The following CFAP96 variants were observed in gnomAD, a reference collection of about 807,000 sequenced individuals.
CFAP96 encodes the protein cilia and flagella associated protein 96, also known as cilia-and flagella-associated protein 96.
chr4:185,425,266 G>A, the CFAP96 span, among the ~76,000 whole-genome samples: 3 of 152,092 alleles, frequency 2.0e-5, no homozygotes, highest in Non-Finnish European at 4.4e-5. Context: ...AGCAGGTGTG[G>A]GCTGTGGGGA....
chr4:185,423,400 G>A, the CFAP96 span, among the ~76,000 whole-genome samples: 6 of 152,140 alleles, frequency 3.9e-5, no homozygotes, highest in South Asian at 6.2e-4. Flanking sequence ...ATCAACTGGT[G>A]GAATCCTTCA....
chr4:185,411,085 G>C, the CFAP96 span, among the ~76,000 whole-genome samples: 1 of 146,910 alleles, frequency 6.8e-6, no homozygotes, highest in Non-Finnish European at 1.5e-5. Context: ...ATCAAATACA[G>C]AAGTTATAAT....
chr4:185,433,675 G>A, the CFAP96 span, among the ~76,000 whole-genome samples: 4 of 151,776 alleles, frequency 2.6e-5, no homozygotes, highest in African/African-American at 9.7e-5. Context: ...GCCGAGGCGG[G>A]CGGATCACCT....
chr4:185,434,588 C>A, the CFAP96 span, among the ~76,000 whole-genome samples: 1 of 152,022 alleles, frequency 6.6e-6, no homozygotes, highest in African/African-American at 2.4e-5. Context: ...ACTAGCTTTC[C>A]TTTTTTAAAA....
chr4:185,436,731 A>AAT, the CFAP96 span, among the ~76,000 whole-genome samples: 1 of 149,074 alleles, frequency 6.7e-6, no homozygotes, highest in Non-Finnish European at 1.5e-5. Flanking sequence ...TAATAATAAT[A>AAT]ATAATAATAA....
At chr4:185,429,357 C>T in the CFAP96 span, 1 of 1,062,860 alleles carries the variant, frequency 9.4e-7, no homozygotes, top group South Asian at 1.8e-5. Context: ...AACACGTGAC[C>T]CTAGGGAAAC....
At chr4:185,414,409 T>C in the CFAP96 span, among the ~76,000 whole-genome samples, 1 of 152,196 alleles carries the variant, frequency 6.6e-6, no homozygotes, top group African/African-American at 2.4e-5. Flanking sequence ...CCCAACTATA[T>C]AAAAACATGT....
chr4:185,434,834 G>T, the CFAP96 span, among the ~76,000 whole-genome samples: 1 of 152,144 alleles, frequency 6.6e-6, no homozygotes, highest in Non-Finnish European at 1.5e-5. Context: ...CGCCTCCCAG[G>T]TTCAAGCGAG....
At chr4:185,437,352 A>G in the CFAP96 span, among the ~76,000 whole-genome samples, 1 of 152,266 alleles carries the variant, frequency 6.6e-6, no homozygotes. Context: ...TATAAATCTT[A>G]GAACCATATG....
At chr4:185,411,971 A>AAAGG in the CFAP96 span, among the ~76,000 whole-genome samples, 1 of 152,196 alleles carries the variant, frequency 6.6e-6, no homozygotes, top group Non-Finnish European at 1.5e-5. Context: ...TACTTTTTAA[A>AAAGG]AAGGAAGGAA....
chr4:185,421,724 C>A, the CFAP96 span, among the ~76,000 whole-genome samples: 2 of 152,204 alleles, frequency 1.3e-5, no homozygotes, highest in African/African-American at 2.4e-5. Context: ...GCAAAACAGA[C>A]TAATACAGTA....
At chr4:185,425,521 A>T in the CFAP96 span, among the ~76,000 whole-genome samples, 1 of 152,214 alleles carries the variant, frequency 6.6e-6, no homozygotes, top group Non-Finnish European at 1.5e-5. Flanking sequence ...TACCACGGGA[A>T]CTAGGGGAAT....
chr4:185,413,977 TAA>T, the CFAP96 span: 4 of 1,055,068 alleles, frequency 3.8e-6, no homozygotes, highest in Non-Finnish European at 5.1e-6. Context: ...ATATAGGTTA[TAA>T]AAGTTTCCAA....
At chr4:185,409,465 C>T in the CFAP96 span, among the ~76,000 whole-genome samples, 1 of 152,094 alleles carries the variant, frequency 6.6e-6, no homozygotes, top group African/African-American at 2.4e-5. Flanking sequence ...GCTGGGATTA[C>T]AGTTGCACAC....
At chr4:185,415,922 A>G in the CFAP96 span, 21 of 1,410,592 alleles carry the variant, frequency 1.5e-5, 1 homozygote, top group South Asian at 2.6e-4. Flanking sequence ...CTAAATATAA[A>G]GAGTAAGTAA....
the CFAP96 span, among the ~76,000 whole-genome samples, chr4:185,447,319 C>T: frequency 6.6e-6 from 1 of 151,760 alleles, no homozygotes; most frequent in Non-Finnish European, 1.5e-5. Context: ...GTAGCTGGGA[C>T]TACAGGCGCC....
the CFAP96 span, among the ~76,000 whole-genome samples, chr4:185,443,921 CTTTTTTTTTTTTT>C: frequency 1.2e-3 from 99 of 82,848 alleles, 12 homozygotes; most frequent in African/African-American, 3.3e-3. Flanking sequence ...CTATATCTTT[CTTTTTTTTTTTTT>C]TTTTTTTTTT....
the CFAP96 span, chr4:185,415,421 T>C: frequency 1.6e-6 from 2 of 1,286,762 alleles, no homozygotes; most frequent in African/African-American, 3.2e-5. Flanking sequence ...AGAGCTAATA[T>C]ATCCTTAGTA....
the CFAP96 span, among the ~76,000 whole-genome samples, chr4:185,431,202 T>C: frequency 1.0e-5 from 1 of 100,350 alleles, no homozygotes; most frequent in Admixed American, 1.3e-4. Context: ...AGAGTGAGAC[T>C]CCGTCTCAAA....
Sources: gnomAD v4.1 joint callset for allele counts (sites outside exome capture counted in the v4.1 genomes callset) on GRCh38, gnomAD v4.1.1 for gene constraint, MANE v1.5 for transcripts, NCBI Gene and HGNC (gene_info 2026-07-23, HGNC 2026-07-21) for gene names.